SLC16A5: variants seen among roughly 807,000 people sequenced by gnomAD.
The protein encoded by SLC16A5 is monocarboxylate transporter 6.
In SLC16A5, 29 loss-of-function variants were observed where a neutral mutation model predicts 33.2. The ratio of observed to expected loss-of-function variants is 0.87; its 90% CI spans 0.65 to 1.19. The LOEUF is 1.19. Ranked by LOEUF, SLC16A5 falls within the 50% of genes most tolerant of loss-of-function variation. SLC16A5 has a pLI of 0.00. For synonymous variants in SLC16A5, 248 were observed against 284.1 expected, an observed-to-expected ratio of 0.87 and a Z score of 1.28; for missense variants, 606 against 678.2, an observed-to-expected ratio of 0.89 and a Z score of 1.18.
chr17:75,098,621 G>A (rs778782097), intron 4 of SLC16A5, among the ~76,000 whole-genome samples: 3 of 152,120 alleles, frequency 2.0e-5, no homozygotes, highest in Non-Finnish European at 2.9e-5. Flanking sequence ...GCCCTTTCAC[G>A]GCATTTTGTT....
At chr17:75,094,275 C>G (rs2073685623) in intron 3 of SLC16A5, among the ~76,000 whole-genome samples, 1 of 152,236 alleles carries the variant, frequency 6.6e-6, no homozygotes, top group African/African-American at 2.4e-5. Context: ...GGGAAGACCA[C>G]TGTCTTCCCT....
At chr17:75,101,607 C>T (rs1216685136) in intron 5 of SLC16A5, among the ~76,000 whole-genome samples, 1 of 149,558 alleles carries the variant, frequency 6.7e-6, no homozygotes, top group Non-Finnish European at 1.5e-5. Flanking sequence ...TGTACCAAAC[C>T]TCAGTCCTCC....
At chr17:75,094,321 G>A (rs955956439) in intron 3 of SLC16A5, among the ~76,000 whole-genome samples, 9 of 152,224 alleles carry the variant, frequency 5.9e-5, no homozygotes, top group Non-Finnish European at 1.0e-4. Context: ...ATGCGGCTGT[G>A]AATTATTAAT....
At chr17:75,095,274 C>T (rs1360798471) in intron 3 of SLC16A5, among the ~76,000 whole-genome samples, 1 of 152,194 alleles carries the variant, frequency 6.6e-6, no homozygotes, top group Non-Finnish European at 1.5e-5. Flanking sequence ...CAGAGGGCTG[C>T]TTCTCACACA....
intron 6 of SLC16A5, chr17:75,104,614 GC>G: frequency 1.8e-6 from 1 of 570,234 alleles, no homozygotes; most frequent in Non-Finnish European, 2.2e-6. Context: ...ACCACTCCCG[GC>G]TAATTTTGTC....
intron 2 of SLC16A5, among the ~76,000 whole-genome samples, chr17:75,092,253 G>T (rs187122044): frequency 1.2e-4 from 18 of 152,114 alleles, no homozygotes; most frequent in African/African-American, 3.9e-4. Flanking sequence ...CATTGTGTGT[G>T]ACGGTACATA....
chr17:75,087,479 T>C (rs1048874332), upstream of SLC16A5, among the ~76,000 whole-genome samples: 4 of 152,208 alleles, frequency 2.6e-5, no homozygotes, highest in African/African-American at 9.6e-5. Context: ...TCCTCTCACC[T>C]GCTCCCAGGG....
chr17:75,098,477 T>C (rs1392144715), intron 4 of SLC16A5, among the ~76,000 whole-genome samples: 1 of 151,914 alleles, frequency 6.6e-6, no homozygotes, highest in Non-Finnish European at 1.5e-5. Context: ...GGCAGGAGAA[T>C]CGCCCGGGAA....
At chr17:75,092,257 G>T (rs2073648720) in intron 2 of SLC16A5, among the ~76,000 whole-genome samples, 1 of 151,884 alleles carries the variant, frequency 6.6e-6, no homozygotes, top group South Asian at 2.1e-4. Context: ...GTGTGTGACG[G>T]TACATATCTC....
intron 4 of SLC16A5, among the ~76,000 whole-genome samples, chr17:75,099,471 C>T (rs569126480): frequency 6.6e-6 from 1 of 152,268 alleles, no homozygotes; most frequent in South Asian, 2.1e-4. Flanking sequence ...GGCTGGAGTG[C>T]AGTGGCACAA....
rs1231126326 is a variant in SLC16A5, at chr17:75,089,756, A to G, written c.-49+452A>G. 3 of 30,818 alleles carry G rather than the reference A, an allele frequency of 9.7e-5. No homozygotes were observed. The South Asian group carries it at 3.4e-3, about 35-fold the overall frequency. The allele number at this position is 30,818 out of a possible 1,614,324, so 1.9% of individuals were successfully genotyped here. ...GAGACAGAGCGAAACTTCATCTCAG[A>G]AAAAAAAAAAAAAAAAAAAAGGCGA... On this transcript the variant is annotated intron_variant, in intron 2 of 6. Coordinates refer to ENST00000329783, the MANE Select transcript of SLC16A5 (RefSeq NM_004695.4).
At chr17:75,097,493 C>T (rs1257380452) in intron 3 of SLC16A5, among the ~76,000 whole-genome samples, 6 of 138,172 alleles carry the variant, frequency 4.3e-5, no homozygotes, top group Non-Finnish European at 6.1e-5. Flanking sequence ...TGCAAGGAGG[C>T]GCAGAGGGGC....
chr17:75,100,129 C>A lies in SLC16A5; in HGVS notation c.466C>A (p.Pro156Thr). Residue 156 changes from proline (P) to threonine (T), a missense_variant, in exon 5 of 7, where the codon CCG (proline) becomes ACG (threonine). By Grantham distance (38) the Pro-to-Thr change is conservative. Transcript: ENST00000329783. The stretch of plus-strand genomic sequence containing the variant: ...CGTCTCCCTGGGCATCACCCTCTGG[C>A]CGCTGCTCTCCCGCTACCTTCTGGA... ...MGVSLGITLW[P>T]LLSRYLLENL... The A allele has an allele frequency of 6.2e-7, 1 of 1,614,172 alleles. No individual in the cohort carries two copies. The highest frequency in any genetic ancestry group is 8.5e-7 in the Non-Finnish European group (1 of 1,180,010).
chr17:75,088,787 G>C (rs1237575778), intron 1 of SLC16A5, among the ~76,000 whole-genome samples: 1 of 152,162 alleles, frequency 6.6e-6, no homozygotes, highest in Non-Finnish European at 1.5e-5. Context: ...GAGACCCCTG[G>C]ATGAGAGCAT....
At chr17:75,097,747 G>A (rs1157618180) in intron 3 of SLC16A5, among the ~76,000 whole-genome samples, 1 of 152,194 alleles carries the variant, frequency 6.6e-6, no homozygotes. Context: ...GCAGCCTCAG[G>A]TCTGTGTAGT....
chr17:75,089,880 G>A (rs28377555), intron 2 of SLC16A5: 49,963 of 151,846 alleles, frequency 0.33, 9,199 homozygotes, highest in East Asian at 0.72. Flanking sequence ...ACTCAGGAGC[G>A]GTAGTAAGAA....
chr17:75,104,699 C>T (rs967182427), intron 6 of SLC16A5: 2 of 906,380 alleles, frequency 2.2e-6, no homozygotes, highest in Non-Finnish European at 2.6e-6. Flanking sequence ...ATCTGCCCAC[C>T]TCAGCCTCCC....
intron 4 of SLC16A5, 189 bp from the exon 5 acceptor site, chr17:75,099,818 C>A: frequency 1.7e-6 from 1 of 604,350 alleles, no homozygotes; most frequent in Non-Finnish European, 2.9e-6. Flanking sequence ...GAGGGCAGAT[C>A]TGGGGTGGGG....
Position 75,093,719 on chromosome 17 carries a change from T to G in SLC16A5, c.83T>G (p.Leu28Arg). ...ACCATGGTGACCCAGGGCCTCACCCTGGGCTTCCCCACGTGTATCGGCATC... is the reference window on the plus strand; with the variant it reads ...ACCATGGTGACCCAGGGCCTCACCCGGGGCTTCCCCACGTGTATCGGCATC... ...LATMVTQGLT[L>R]GFPTCIGIFF... The change falls in exon 3 of 7, where the codon CTG (leucine) becomes CGG (arginine). Residue 28 changes from leucine (L) to arginine (R), a missense_variant. Transcript: ENST00000329783. The G allele has an allele frequency of 6.2e-7, 1 of 1,614,154 alleles. No individual in the cohort carries two copies. The highest frequency in any genetic ancestry group is 8.5e-7 in the Non-Finnish European group (1 of 1,180,018).
Sources: gnomAD v4.1 joint callset for allele counts (sites outside exome capture counted in the v4.1 genomes callset) on GRCh38, gnomAD v4.1.1 for gene constraint, MANE v1.5 for transcripts, NCBI Gene and HGNC (gene_info 2026-07-23, HGNC 2026-07-21) for gene names.